RGS6: variants seen among roughly 807,000 people sequenced by gnomAD.
The protein encoded by RGS6 is regulator of G protein signaling 6.
RGS6 carries 30 observed loss-of-function variants against 78.5 expected under a neutral mutation model. The observed-to-expected ratio is 0.38, with a 90% CI of 0.29 to 0.52. The LOEUF (loss-of-function observed/expected upper bound fraction) is 0.52. RGS6 is among the 20% of genes least tolerant of loss of function. The pLI, the probability that RGS6 is intolerant of heterozygous loss-of-function variation, is 0.85. For missense variants in RGS6, 495 were observed against 609.7 expected (o/e 0.81, Z 1.98); for synonymous variants, 206 against 206.0 (o/e 1.00, Z 0.00).
intron 17 of RGS6, chr14:72,550,759 T>G (rs2097494311): frequency 3.7e-6 from 3 of 806,598 alleles, no homozygotes; most frequent in Non-Finnish European, 5.4e-6. Flanking sequence ...TTGGTAGTGA[T>G]TCAGCTTCAC....
At chr14:72,098,543 A>G (rs1422617887) in intron 2 of RGS6, among the ~76,000 whole-genome samples, 2 of 152,144 alleles carry the variant, frequency 1.3e-5, no homozygotes, top group Admixed American at 6.5e-5. Flanking sequence ...GCTTGGACCA[A>G]ATTTTTCTTG....
intron 13 of RGS6, among the ~76,000 whole-genome samples, chr14:72,505,797 GC>G (rs1427361947): frequency 6.6e-6 from 1 of 152,192 alleles, no homozygotes; most frequent in Non-Finnish European, 1.5e-5. Flanking sequence ...TTTAAATAGG[GC>G]ACTGTAAGGA....
rs534899383 is a variant in RGS6 at position 72,277,907 on chromosome 14, G to A, written c.85-74188G>A. On this transcript the variant is annotated intron_variant, in intron 2 of 17. Transcript: ENST00000553525. ...CATGCCACTGCACTCCAGCCTGGAC[G>A]ACAACGAGACTATGTCTCAAAATAA... Among the ~76,000 whole-genome samples, 10 of 152,236 alleles carry A rather than the reference G, an allele frequency of 6.6e-5. No individual in the cohort carries two copies. The South Asian group carries it at 1.5e-3, about 22-fold the overall frequency.
At chr14:72,593,100 C>T in the RGS6 span, among the ~76,000 whole-genome samples, 1 of 152,062 alleles carries the variant, frequency 6.6e-6, no homozygotes, top group African/African-American at 2.4e-5. Flanking sequence ...CCATCCTTGA[C>T]AAGGAAGCTG....
chr14:72,188,525 GA>G (rs374965666), intron 2 of RGS6, among the ~76,000 whole-genome samples: 3,170 of 152,052 alleles, frequency 0.021, 133 homozygotes, highest in African/African-American at 0.073. Context: ...TACGGGAGAA[GA>G]AAAAATTACC....
intron 3 of RGS6, among the ~76,000 whole-genome samples, chr14:72,411,601 A>G (rs905506656): frequency 6.6e-6 from 1 of 152,118 alleles, no homozygotes; most frequent in Non-Finnish European, 1.5e-5. Flanking sequence ...TTCCAACACT[A>G]TGTTGAATAG....
At chr14:72,593,794 A>G in the RGS6 span, among the ~76,000 whole-genome samples, 3 of 152,208 alleles carry the variant, frequency 2.0e-5, no homozygotes, top group African/African-American at 4.8e-5. Context: ...TTCTTTAAAA[A>G]AACAAAAAAT....
At chr14:72,625,461 C>T in the RGS6 span, among the ~76,000 whole-genome samples, 1 of 152,172 alleles carries the variant, frequency 6.6e-6, no homozygotes, top group Non-Finnish European at 1.5e-5. Flanking sequence ...CTTTCTGACA[C>T]CACATAATCC....
chr14:72,370,046 T>C (rs573132908), intron 3 of RGS6, among the ~76,000 whole-genome samples: 111 of 152,224 alleles, frequency 7.3e-4, no homozygotes, highest in Non-Finnish European at 1.3e-3. Context: ...CATAACCATA[T>C]ATACATTTAT....
At chr14:72,408,861 C>T (rs1413846518) in intron 3 of RGS6, among the ~76,000 whole-genome samples, 1 of 152,148 alleles carries the variant, frequency 6.6e-6, no homozygotes, top group Non-Finnish European at 1.5e-5. Flanking sequence ...TCATAGGGTG[C>T]CTGCCCTGTA....
the RGS6 span, among the ~76,000 whole-genome samples, chr14:72,571,904 C>G: frequency 2.0e-5 from 3 of 152,148 alleles, no homozygotes; most frequent in East Asian, 5.8e-4. Context: ...AAATATCTGG[C>G]TATCAAGGTA....
chr14:72,356,477 A>G (rs2080317290), intron 3 of RGS6, among the ~76,000 whole-genome samples: 1 of 152,194 alleles, frequency 6.6e-6, no homozygotes, highest in African/African-American at 2.4e-5. Flanking sequence ...TCTTTATAAC[A>G]GTGTGAAAAT....
chr14:71,998,116 G>A (rs145968323), intron 2 of RGS6, among the ~76,000 whole-genome samples: 44 of 152,246 alleles, frequency 2.9e-4, no homozygotes, highest in Non-Finnish European at 6.2e-4. Flanking sequence ...ACATTGGTTC[G>A]GTGTGGAAAG....
chr14:72,541,650 C>T (rs2097329181), intron 17 of RGS6: 1 of 1,532,766 alleles, frequency 6.5e-7, no homozygotes, highest in Non-Finnish European at 8.7e-7. Context: ...CTCTGTTTGT[C>T]TCTTTTGAGG....
chr14:72,352,943 T>C (rs1223734711), intron 3 of RGS6, among the ~76,000 whole-genome samples: 2 of 152,230 alleles, frequency 1.3e-5, no homozygotes, highest in East Asian at 3.8e-4. Context: ...TTTAGATGAT[T>C]CTCTTAATCT....
chr14:71,931,235 T>G (rs1017227215), upstream of RGS6, among the ~76,000 whole-genome samples: 8 of 152,132 alleles, frequency 5.3e-5, no homozygotes, highest in African/African-American at 1.9e-4. Flanking sequence ...TGGTTTCTCT[T>G]GGTTGCAGGT....
chr14:71,956,357 G>GTATATA (rs10651401), intron 1 of RGS6, among the ~76,000 whole-genome samples: 1,830 of 150,574 alleles, frequency 0.012, 15 homozygotes, highest in Non-Finnish European at 0.016. Context: ...GTGTGTGTGT[G>GTATATA]TATATTCTAT....
chr14:72,195,500 G>A (rs1244970342), intron 2 of RGS6, among the ~76,000 whole-genome samples: 2 of 152,196 alleles, frequency 1.3e-5, no homozygotes, highest in Non-Finnish European at 2.9e-5. Flanking sequence ...AGGGCCAGGG[G>A]CTACTGAGTC....
chr14:72,256,536 C>T (rs1324125577), intron 2 of RGS6, among the ~76,000 whole-genome samples: 1 of 152,172 alleles, frequency 6.6e-6, no homozygotes, highest in African/African-American at 2.4e-5. Context: ...GTTACTCCTA[C>T]ATTTTAGCAG....
Sources: allele counts gnomAD v4.1 joint callset (sites outside exome capture counted in the v4.1 genomes callset), GRCh38; gene constraint gnomAD v4.1.1; transcripts MANE v1.5; gene names NCBI Gene and HGNC (gene_info 2026-07-23, HGNC 2026-07-21).